The following NSMF variants were observed in gnomAD, a reference collection of about 807,000 sequenced individuals.
The protein encoded by NSMF is nasal embryonic LHRH factor.
Under a neutral mutation model 71.0 loss-of-function variants are expected in NSMF, and 31 were observed. The ratio of observed to expected loss-of-function variants is 0.44; its 90% CI spans 0.33 to 0.59. The LOEUF is 0.59. Ranked by LOEUF, NSMF falls within the 20% of genes least tolerant of loss-of-function variation. The probability of loss-of-function intolerance (pLI) is 0.04; values close to 1 mark genes in which losing one functional copy is unlikely to be tolerated. For synonymous variants in NSMF, 345 were observed against 287.1 expected (o/e 1.20, Z -2.04); for missense variants, 673 against 740.5 (o/e 0.91, Z 1.06).
At chr9:137,451,043 T>A (rs528099086) in intron 12 of NSMF, among the ~76,000 whole-genome samples, 11 of 12,902 alleles carry the variant, frequency 8.5e-4, no homozygotes, top group East Asian at 2.9e-3. Flanking sequence ...TGATCTCCCC[T>A]CCACGTCTCT....
At chr9:137,455,743 A>C in intron 4 of NSMF, 109 bp from the exon 5 acceptor site, 1 of 1,224,166 alleles carries the variant, frequency 8.2e-7, no homozygotes, top group Non-Finnish European at 1.2e-6. Context: ...CTTGTCACTG[A>C]CCCAATAGGT....
chr9:137,452,492 C>T (rs1830585588), intron 11 of NSMF, 57 bp from the exon 12 acceptor site: 2 of 1,612,202 alleles, frequency 1.2e-6, no homozygotes, highest in Non-Finnish European at 1.7e-6. Flanking sequence ...GGGGCACCCC[C>T]ACCTGTGTCT....
At position 137,448,915 on chromosome 9, in the gene NSMF, T is replaced by G; in HGVS notation, c.*479A>C. On this transcript the variant is annotated 3_prime_UTR_variant, in exon 16 of 16. Coordinates refer to ENST00000371475, the MANE Select transcript of NSMF (RefSeq NM_001130969.3). This position sits in a 1 kb window ranked among gnomAD's most constrained non-coding sequence, Gnocchi z 5.3. Reference sequence around the variant, plus strand: ...ACACGGGCCACCCTGGTGCTGGTGATCGATACGGCAGGGAGGGGGTGGGCA... The same window carrying G: ...ACACGGGCCACCCTGGTGCTGGTGAGCGATACGGCAGGGAGGGGGTGGGCA... 1 of 245,958 alleles carries G rather than the reference T, an allele frequency of 4.1e-6. No individual in the cohort carries two copies. The highest frequency in any genetic ancestry group is 8.0e-6 in the Non-Finnish European group (1 of 124,432). The allele number at this position is 245,958 out of a possible 1,614,324, so 15.2% of individuals were successfully genotyped here.
intron 12 of NSMF, among the ~76,000 whole-genome samples, chr9:137,451,048 G>A (rs1299600464): frequency 5.6e-5 from 1 of 17,746 alleles, no homozygotes; most frequent in Non-Finnish European, 9.4e-5. Context: ...TCCCCTCCAC[G>A]TCTCTTCCCC....
At chr9:137,455,115 G>T in intron 6 of NSMF, 124 bp downstream of exon 6, 2 of 1,060,400 alleles carry the variant, frequency 1.9e-6, no homozygotes, top group Non-Finnish European at 2.9e-6. Flanking sequence ...CGTCCCCAGA[G>T]CAGGGCCAGG....
intron 10 of NSMF, 40 bp from the exon 11 acceptor site, chr9:137,452,626 C>A: frequency 6.2e-7 from 1 of 1,612,162 alleles, no homozygotes; most frequent in Non-Finnish European, 8.5e-7. Flanking sequence ...ATCAAGGCTG[C>A]GTCAGAGCCA....
chr9:137,458,560 ACAGAGGGCACGGT>A lies in NSMF; in HGVS notation c.72-24_72-12del. 1 of 1,589,496 alleles carries A rather than the reference ACAGAGGGCACGGT, an allele frequency of 6.3e-7. No homozygotes were observed. On this transcript the variant is annotated splice_polypyrimidine_tract_variant and intron_variant, in intron 1 of 15. Coordinates refer to ENST00000371475, the MANE Select transcript of NSMF (RefSeq NM_001130969.3). ...AACGCTCGGGCTGCTCTGAGGGTGGACAGAGGGCACGGTCAGAGGCCACGGCACGACCCTCCCA... is the reference window on the plus strand; with the variant it reads ...AACGCTCGGGCTGCTCTGAGGGTGGACAGAGGCCACGGCACGACCCTCCCA...
chr9:137,457,455 C>A lies in NSMF; in HGVS notation c.580G>T (p.Gly194Cys). The change falls in exon 3 of 16, where the codon GGT (glycine) becomes TGT (cysteine). Residue 194 changes from glycine to cysteine, a missense_variant. Coordinates refer to ENST00000371475, the MANE Select transcript of NSMF (RefSeq NM_001130969.3). Reference sequence around the variant, plus strand: ...ATCCTCTCCAGCTTCTTGCGGCGACCGGAGGTCTCAGGCAGAGGTGGCTGG... The same window carrying A: ...ATCCTCTCCAGCTTCTTGCGGCGACAGGAGGTCTCAGGCAGAGGTGGCTGG... ...LDQPPLPETSGRRKKLERMYS... is the reference protein window; with the variant it reads ...LDQPPLPETSCRRKKLERMYS... The A allele has an allele frequency of 3.7e-6, 6 of 1,612,858 alleles. No homozygotes were observed. The highest frequency in any genetic ancestry group is 3.4e-6 in the Non-Finnish European group (4 of 1,179,984).
At chr9:137,449,528 G>C in intron 15 of NSMF, 37 bp from the exon 16 acceptor site, 2 of 1,610,332 alleles carry the variant, frequency 1.2e-6, no homozygotes, top group Non-Finnish European at 8.5e-7. Flanking sequence ...AGGCCTGGCC[G>C]GCCCTGGGGA....
Position 137,455,252 on chromosome 9 carries a change from A to G in NSMF, c.766T>C (p.Ser256Pro). ...GGCAGGCCCTACCTCTGGATTACAG[A>G]CGCGGAATCATTCTCCCGTTTCCGG... is the stretch of plus-strand genomic sequence containing the variant. Reference protein sequence around the residue: ...KRRKRENDSASVIQRNFRKHL... With the variant: ...KRRKRENDSAPVIQRNFRKHL... The change falls in exon 6 of 16, where the codon TCT becomes CCT. Residue 256 changes from serine (S) to proline (P), a missense_variant. By Grantham distance (74) the Ser-to-Pro change is moderately conservative (BLOSUM62 -1). Coordinates refer to ENST00000371475, the MANE Select transcript of NSMF (RefSeq NM_001130969.3). 6.2e-7 allele frequency: 1 copy of G among 1,612,730 alleles called. No individual in the cohort carries two copies. The highest frequency in any genetic ancestry group is 8.5e-7 in the Non-Finnish European group (1 of 1,179,906).
rs777921092 is a variant in NSMF, at chr9:137,453,718, G to A, written c.922+13C>T. 6.3e-7 allele frequency: 1 copy of A among 1,593,568 alleles called. No individual in the cohort carries two copies. The highest frequency in any genetic ancestry group is 1.3e-5 in the African/African-American group (1 of 74,832). ...CTCTGGGGAAGGTGGGCGGGCCTGT[G>A]CGGGGCACCTACTGTCTCGGGAGTC... On this transcript the variant is annotated intron_variant, in intron 8 of 15. Transcript: ENST00000371475. The surrounding 1 kb of genome is among the most constrained non-coding windows in gnomAD (Gnocchi z 4.5).
rs531498750 is a variant in NSMF, at chr9:137,449,035, T to C, written c.*359A>G. Reference sequence around the variant, plus strand: ...TAGTGCTTAACTAGTTAACAAGAAATGCTGCTTCCCTTTGAATTGTTTCGG... The same window carrying C: ...TAGTGCTTAACTAGTTAACAAGAAACGCTGCTTCCCTTTGAATTGTTTCGG... On this transcript the variant is annotated 3_prime_UTR_variant, in exon 16 of 16. Coordinates refer to ENST00000371475, the MANE Select transcript of NSMF (RefSeq NM_001130969.3). 21 of 412,540 alleles carry C rather than the reference T, an allele frequency of 5.1e-5. No homozygotes were observed. In the East Asian group the frequency reaches 1.0e-3, roughly 20 times the overall value. The allele number at this position is 412,540 out of a possible 1,614,324, so 25.6% of individuals were successfully genotyped here.
At chr9:137,458,978 G>A in intron 1 of NSMF, 54 bp downstream of exon 1, 1 of 1,237,652 alleles carries the variant, frequency 8.1e-7, no homozygotes, top group African/African-American at 1.6e-5. Flanking sequence ...GGCGGACTCG[G>A]GCGGGGTCGG....
rs1003728790 is a variant in NSMF at position 137,448,927 on chromosome 9, G to A, written c.*467C>T. Reference sequence around the variant, plus strand: ...CTGGTGCTGGTGATCGATACGGCAGGGAGGGGGTGGGCAGGGAGGGTCCTG... The same window carrying A: ...CTGGTGCTGGTGATCGATACGGCAGAGAGGGGGTGGGCAGGGAGGGTCCTG... On this transcript the variant is annotated 3_prime_UTR_variant, in exon 16 of 16. Transcript: ENST00000371475. This position sits in a 1 kb window ranked among gnomAD's most constrained non-coding sequence, Gnocchi z 5.3. 3 of 268,606 alleles carry A rather than the reference G, an allele frequency of 1.1e-5. No individual in the cohort carries two copies. Among genetic ancestry groups the A allele is most frequent in the South Asian group, 7.7e-5 (2 of 26,130 alleles). The allele number at this position is 268,606 out of a possible 1,614,324, so 16.6% of individuals were successfully genotyped here.
chr9:137,454,186 G>C (rs1381448196), intron 7 of NSMF, among the ~76,000 whole-genome samples: 1 of 94,994 alleles, frequency 1.1e-5, no homozygotes, highest in South Asian at 4.6e-4. Flanking sequence ...TGGCTGGGAG[G>C]GGAGGAGCCT....
At position 137,449,542 on chromosome 9, in the gene NSMF, C is replaced by A. The variant is rs749349514; in HGVS notation, c.1496-51G>T. On this transcript the variant is annotated intron_variant, in intron 15 of 15. Coordinates refer to ENST00000371475, the MANE Select transcript of NSMF (RefSeq NM_001130969.3). ...CAGGCCTGGCCGGCCCTGGGGATCC[C>A]ACCCCACCGTGGCCCCGCAGTGGCT... is the stretch of plus-strand genomic sequence containing the variant. The A allele has an allele frequency of 1.9e-6, 3 of 1,609,928 alleles. No homozygotes were observed. The South Asian group carries it at 3.3e-5, about 18-fold the overall frequency.
chr9:137,454,352 G>A (rs1229196801), intron 7 of NSMF, 39 bp downstream of exon 7: 4 of 1,540,130 alleles, frequency 2.6e-6, no homozygotes, highest in Non-Finnish European at 1.8e-6. Context: ...CCAGCCAAGC[G>A]CAACGCCGCC....
At position 137,453,262 on chromosome 9, in the gene NSMF, G is replaced by A. The variant is rs77134684; in HGVS notation, c.923-82C>T. ...CATGGCCCCAAGGCCCACAGGGCCC[G>A]AAAGCCCCATCCCGGAGGGTCCTCC... On this transcript the variant is annotated intron_variant, in intron 8 of 15. Coordinates refer to ENST00000371475, the MANE Select transcript of NSMF (RefSeq NM_001130969.3). This position sits in a 1 kb window ranked among gnomAD's most constrained non-coding sequence, Gnocchi z 4.5. 4.3e-3 allele frequency: 6,820 copies of A among 1,591,312 alleles called. 233 individuals carry two copies. The African/African-American group carries it at 0.078, about 18-fold the overall frequency.
intron 10 of NSMF, 36 bp downstream of exon 10, chr9:137,452,700 G>A: frequency 1.9e-6 from 3 of 1,601,940 alleles, no homozygotes; most frequent in East Asian, 2.2e-5. Flanking sequence ...GCCGCAAGAG[G>A]GCATCTGTTG....
Sources: gnomAD v4.1 joint callset for allele counts (sites outside exome capture counted in the v4.1 genomes callset) on GRCh38, gnomAD v4.1.1 for gene constraint, Gnocchi (gnomAD v3.1) non-coding constraint, MANE v1.5 for transcripts, NCBI Gene and HGNC (gene_info 2026-07-23, HGNC 2026-07-21) for gene names.